The following TANC1 variants were observed in gnomAD, a reference collection of about 807,000 sequenced individuals.
TANC1 encodes protein TANC1.
TANC1 carries 77 observed loss-of-function variants against 149.7 expected under a neutral mutation model. The observed-to-expected ratio is 0.51, with a 90% confidence interval of 0.43 to 0.62. The LOEUF (loss-of-function observed/expected upper bound fraction) is 0.62, where lower values mean the gene tolerates loss of function less well. Among genes scored for constraint, TANC1 ranks in the 20% least tolerant of loss-of-function variants. TANC1 has a pLI of 0.00. For synonymous variants in TANC1, 854 were observed against 925.0 expected, an observed-to-expected ratio of 0.92 and a Z score of 1.39; for missense variants, 1,985 against 2,321.8, an observed-to-expected ratio of 0.85 and a Z score of 2.98.
At chr2:159,157,516 G>C (rs1045167081) in intron 7 of TANC1, among the ~76,000 whole-genome samples, 2 of 152,224 alleles carry the variant, frequency 1.3e-5, no homozygotes, top group African/African-American at 4.8e-5. Context: ...CCACCTGTCA[G>C]CCAAGAGGCC....
At chr2:159,050,792 G>C (rs264664) in intron 2 of TANC1, among the ~76,000 whole-genome samples, 106,140 of 152,072 alleles carry the variant, frequency 0.7, 37,240 homozygotes, top group Non-Finnish European at 0.74. Context: ...GATAAATCTT[G>C]CATTTGTATT....
At chr2:159,025,471 A>T (rs2039261188) in intron 2 of TANC1, among the ~76,000 whole-genome samples, 1 of 152,136 alleles carries the variant, frequency 6.6e-6, no homozygotes, top group Non-Finnish European at 1.5e-5. Context: ...AGCAAATCCC[A>T]GACACTATGT....
At chr2:159,011,324 AAC>A (rs774649284) in intron 2 of TANC1, among the ~76,000 whole-genome samples, 32 of 152,154 alleles carry the variant, frequency 2.1e-4, no homozygotes, top group African/African-American at 7.0e-4. Context: ...GAAGTAAAAC[AAC>A]AACAACAACA....
At chr2:159,164,086 A>G (rs935094125) in intron 8 of TANC1, among the ~76,000 whole-genome samples, 1 of 152,180 alleles carries the variant, frequency 6.6e-6, no homozygotes, top group Non-Finnish European at 1.5e-5. Flanking sequence ...CGAGATAGAC[A>G]TGCTTTACCG....
At chr2:159,170,387 A>G (rs760847786) in intron 9 of TANC1, 137 bp from the exon 10 acceptor site, 4 of 765,456 alleles carry the variant, frequency 5.2e-6, no homozygotes, top group Non-Finnish European at 8.2e-6. Context: ...TAATAGAACG[A>G]GATTGGAAAT....
chr2:159,051,192 C>T (rs1465564907), intron 2 of TANC1, among the ~76,000 whole-genome samples: 1 of 152,162 alleles, frequency 6.6e-6, no homozygotes, highest in Non-Finnish European at 1.5e-5. Flanking sequence ...TAGTGGGAGA[C>T]ATTTGGACCA....
intron 4 of TANC1, among the ~76,000 whole-genome samples, chr2:159,132,173 C>G (rs1276471310): frequency 6.6e-6 from 1 of 152,188 alleles, no homozygotes; most frequent in Non-Finnish European, 1.5e-5. Context: ...ACCTCAGTTT[C>G]CTGACCTAAA....
intron 7 of TANC1, chr2:159,150,824 C>A (rs2150321483): frequency 2.6e-6 from 1 of 377,500 alleles, no homozygotes; most frequent in Non-Finnish European, 4.8e-6. Flanking sequence ...GCCTGTGAAA[C>A]AAAAATCATT....
intron 2 of TANC1, among the ~76,000 whole-genome samples, chr2:159,064,445 A>G (rs1340623398): frequency 2.6e-5 from 4 of 152,194 alleles, no homozygotes; most frequent in South Asian, 2.1e-4. Flanking sequence ...TCTTTCTAGT[A>G]TCACTCAGTT....
chr2:159,123,289 C>T (rs998158430), intron 4 of TANC1, among the ~76,000 whole-genome samples: 6 of 151,914 alleles, frequency 3.9e-5, no homozygotes, highest in African/African-American at 7.3e-5. Flanking sequence ...TGTGTATGTG[C>T]GTGTATTAGA....
chr2:159,222,448 C>T (rs12692543), intron 22 of TANC1, among the ~76,000 whole-genome samples: 46,502 of 152,052 alleles, frequency 0.31, 8,205 homozygotes, highest in Admixed American at 0.49. Flanking sequence ...TTTTTTTACC[C>T]CTTTAGATAT....
At chr2:159,093,626 G>T (rs1305390773) in intron 3 of TANC1, among the ~76,000 whole-genome samples, 2 of 152,126 alleles carry the variant, frequency 1.3e-5, no homozygotes, top group Non-Finnish European at 2.9e-5. Flanking sequence ...CTAATGAAAG[G>T]ATACTGGAAG....
chr2:159,224,016 C>T (rs745697623), intron 22 of TANC1, among the ~76,000 whole-genome samples: 6 of 152,258 alleles, frequency 3.9e-5, no homozygotes, highest in Non-Finnish European at 7.3e-5. Flanking sequence ...CTGCTTTCCT[C>T]ATCCCTGACA....
chr2:159,176,798 G>C (rs918280126), intron 13 of TANC1, among the ~76,000 whole-genome samples: 1 of 152,038 alleles, frequency 6.6e-6, no homozygotes, highest in East Asian at 1.9e-4. Flanking sequence ...CATGGAGTGT[G>C]TGGGGCCAAG....
chr2:159,152,773 T>C (rs1011428784), intron 7 of TANC1, among the ~76,000 whole-genome samples: 9 of 152,236 alleles, frequency 5.9e-5, no homozygotes, highest in Non-Finnish European at 1.3e-4. Flanking sequence ...CATGAGCCGC[T>C]GTGCCCGGCC....
At chr2:159,088,592 A>G (rs748479723) in intron 3 of TANC1, among the ~76,000 whole-genome samples, 4 of 152,152 alleles carry the variant, frequency 2.6e-5, no homozygotes, top group Non-Finnish European at 4.4e-5. Context: ...AGCTTGTCCA[A>G]CCCACGGCCT....
chr2:159,009,046 T>G (rs2037501738), intron 2 of TANC1, among the ~76,000 whole-genome samples: 1 of 152,224 alleles, frequency 6.6e-6, no homozygotes, highest in South Asian at 2.1e-4. Context: ...TTCAGACATT[T>G]AGAATTAAAA....
intron 2 of TANC1, among the ~76,000 whole-genome samples, chr2:159,028,069 C>T (rs540508742): frequency 2.5e-4 from 38 of 152,274 alleles, no homozygotes; most frequent in Admixed American, 4.6e-4. Context: ...TTGGGGATTA[C>T]GTTGCCAACA....
chr2:159,216,359 G>A (rs73004912), intron 19 of TANC1, among the ~76,000 whole-genome samples: 1,920 of 152,240 alleles, frequency 0.013, 44 homozygotes, highest in African/African-American at 0.044. Flanking sequence ...TCCCAGGCAC[G>A]TGCTGGGAAT....
Sources: gnomAD v4.1 joint callset for allele counts (sites outside exome capture counted in the v4.1 genomes callset) on GRCh38, gnomAD v4.1.1 for gene constraint, MANE v1.5 for transcripts, NCBI Gene and HGNC (gene_info 2026-07-23, HGNC 2026-07-21) for gene names.